MAPK10: variants seen among roughly 807,000 people sequenced by gnomAD.
MAPK10 encodes the protein JNK3 alpha protein kinase.
A neutral mutation model predicts 59.3 loss-of-function variants in MAPK10; 25 were observed. The ratio of observed to expected loss-of-function variants is 0.42; its 90% CI spans 0.31 to 0.59. The LOEUF is 0.59. MAPK10 is among the 20% of genes least tolerant of loss of function. MAPK10 has a pLI of 0.15. For missense variants in MAPK10, 351 were observed against 568.9 expected, an observed-to-expected ratio of 0.62 and a Z score of 3.90; for synonymous variants, 190 against 200.5, an observed-to-expected ratio of 0.95 and a Z score of 0.44.
chr4:86,386,001 A>G (rs1741401880), intron 1 of MAPK10, among the ~76,000 whole-genome samples: 1 of 152,200 alleles, frequency 6.6e-6, no homozygotes, highest in African/African-American at 2.4e-5. Flanking sequence ...AAATTATTTA[A>G]AAGACATGCA....
rs1245375362 is a variant in MAPK10 at position 86,424,825 on chromosome 4, GACAA to G, written c.-122+28201_-122+28204del. Reference sequence around the variant, plus strand: ...AGAATTGTGACTAATTTGATATGAAGACAAACAAGAGAGAAAAGCTAAAGCTGAC... The same window carrying G: ...AGAATTGTGACTAATTTGATATGAAGACAAGAGAGAAAAGCTAAAGCTGAC... On this transcript the variant is annotated intron_variant, in intron 1 of 13. Coordinates refer to the MAPK10 transcript ENST00000361569. 3.9e-5 allele frequency among the ~76,000 whole-genome samples: 6 copies of G among 152,216 alleles called. No homozygotes were observed. The South Asian group carries it at 1.2e-3, about 32-fold the overall frequency.
intron 2 of MAPK10, among the ~76,000 whole-genome samples, chr4:86,296,168 T>C (rs1202452968): frequency 2.9e-5 from 4 of 140,186 alleles, no homozygotes; most frequent in African/African-American, 1.1e-4. Context: ...AGAGTAAGAC[T>C]TGGTCTCAAA....
At position 86,506,772 on chromosome 4, in the gene MAPK10, A is replaced by G. The variant is rs551469301; in HGVS notation, c.-263+87138T>C. Among the ~76,000 whole-genome samples, 18 of 152,212 alleles carry G rather than the reference A, an allele frequency of 1.2e-4. No individual in the cohort carries two copies. In the South Asian group the frequency reaches 3.7e-3, roughly 32 times the overall value. On this transcript the variant is annotated intron_variant, in intron 1 of 4. Coordinates refer to the MAPK10 transcript ENST00000502302. Reference sequence around the variant, plus strand: ...AAGAGGAGCAGAGAATTAAAAACCAACCACAACAATCAAGGTCAGAACTGC... The same window carrying G: ...AAGAGGAGCAGAGAATTAAAAACCAGCCACAACAATCAAGGTCAGAACTGC...
intron 1 of MAPK10, among the ~76,000 whole-genome samples, chr4:86,436,992 C>T (rs945688913): frequency 6.6e-6 from 1 of 152,044 alleles, no homozygotes; most frequent in African/African-American, 2.4e-5. Context: ...GTGGGCAGAT[C>T]ACGAGGTCAG....
chr4:86,112,826 A>G (rs1215147101), intron 4 of MAPK10, among the ~76,000 whole-genome samples: 1 of 152,074 alleles, frequency 6.6e-6, no homozygotes, highest in African/African-American at 2.4e-5. Flanking sequence ...TAAAGTTTCC[A>G]CTATTACTGT....
At chr4:86,451,226 T>A (rs190955490) in intron 1 of MAPK10, among the ~76,000 whole-genome samples, 1 of 152,314 alleles carries the variant, frequency 6.6e-6, no homozygotes, top group Admixed American at 6.5e-5. Flanking sequence ...TACATTTTTA[T>A]CATTCGGTTT....
chr4:86,324,660 T>A (rs1010460773), intron 2 of MAPK10, among the ~76,000 whole-genome samples: 1 of 152,180 alleles, frequency 6.6e-6, no homozygotes, highest in Non-Finnish European at 1.5e-5. Context: ...ATATCTTCTA[T>A]CTCTATAAAC....
intron 2 of MAPK10, among the ~76,000 whole-genome samples, chr4:86,309,180 C>T (rs1477355583): frequency 6.6e-6 from 1 of 152,166 alleles, no homozygotes; most frequent in Non-Finnish European, 1.5e-5. Context: ...TATTTGGTAA[C>T]TTGCCTCCTT....
intron 2 of MAPK10, among the ~76,000 whole-genome samples, chr4:86,244,851 G>C (rs760031753): frequency 6.6e-5 from 10 of 152,050 alleles, no homozygotes; most frequent in Non-Finnish European, 1.2e-4. Flanking sequence ...TGATCTCTTT[G>C]AGTCTGAGAA....
intron 2 of MAPK10, among the ~76,000 whole-genome samples, chr4:86,265,732 G>A (rs2094208046): frequency 6.6e-6 from 1 of 152,120 alleles, no homozygotes; most frequent in Non-Finnish European, 1.5e-5. Context: ...TAACCCCTCA[G>A]GATATTTGAA....
In MAPK10 at chr4:86,461,064, G is replaced by A. The variant is rs72868857; in HGVS notation, c.-262-106420C>T. Among the ~76,000 whole-genome samples, 643 of 152,058 alleles carry A rather than the reference G, an allele frequency of 4.2e-3. 8 individuals carry two copies. The highest frequency in any genetic ancestry group is 0.015 in the African/African-American group (617 of 41,470). On this transcript the variant is annotated intron_variant, in intron 1 of 4. Coordinates refer to the MAPK10 transcript ENST00000502302. ...GCCCATACGTGGGGCTCAAACCCAG[G>A]TCGAAGGGTCATTGGAGTGATGGTT...
intron 2 of MAPK10, among the ~76,000 whole-genome samples, chr4:86,324,604 T>A (rs575365491): frequency 6.6e-6 from 1 of 152,300 alleles, no homozygotes; most frequent in East Asian, 1.9e-4. Context: ...TTATTTTCTG[T>A]CATTTTGCTC....
chr4:86,460,936 C>CT (rs899073651), intron 1 of MAPK10, among the ~76,000 whole-genome samples: 2 of 152,162 alleles, frequency 1.3e-5, no homozygotes, highest in African/African-American at 4.8e-5. Flanking sequence ...TGTGAGACCC[C>CT]TGAATTCCCT....
At chr4:86,070,403 T>A (rs1053178208) in intron 9 of MAPK10, among the ~76,000 whole-genome samples, 5 of 152,160 alleles carry the variant, frequency 3.3e-5, no homozygotes, top group East Asian at 1.9e-4. Context: ...TTCTTTTTTT[T>A]ATTATACTTT....
At chr4:86,266,412 T>A (rs1351686054) in intron 2 of MAPK10, among the ~76,000 whole-genome samples, 1 of 152,162 alleles carries the variant, frequency 6.6e-6, no homozygotes, top group Non-Finnish European at 1.5e-5. Context: ...AGTATTGCTG[T>A]GAGGTTTGAA....
intron 4 of MAPK10, among the ~76,000 whole-genome samples, chr4:86,112,636 A>G (rs1223081489): frequency 3.3e-5 from 5 of 152,258 alleles, no homozygotes; most frequent in Admixed American, 2.6e-4. Flanking sequence ...ACTTGTAATT[A>G]TATTATTAAT....
At chr4:86,309,892 T>TCAAAG (rs1420282464) in intron 2 of MAPK10, among the ~76,000 whole-genome samples, 1 of 152,160 alleles carries the variant, frequency 6.6e-6, no homozygotes, top group Non-Finnish European at 1.5e-5. Context: ...CACTATCCTT[T>TCAAAG]GAACTGTTTG....
intron 11 of MAPK10, among the ~76,000 whole-genome samples, chr4:86,049,270 G>T (rs1435018594): frequency 1.3e-5 from 2 of 151,774 alleles, no homozygotes; most frequent in Non-Finnish European, 2.9e-5. Flanking sequence ...AGGTATGTTG[G>T]GGAACAAAAA....
intron 2 of MAPK10, among the ~76,000 whole-genome samples, chr4:86,270,190 A>T (rs1000272349): frequency 6.6e-6 from 1 of 152,072 alleles, no homozygotes; most frequent in Non-Finnish European, 1.5e-5. Flanking sequence ...TTGTAATTCA[A>T]ACCGGAAATT....
Sources: allele counts gnomAD v4.1 joint callset (sites outside exome capture counted in the v4.1 genomes callset), GRCh38; gene constraint gnomAD v4.1.1; transcripts MANE v1.5; gene names NCBI Gene and HGNC (gene_info 2026-07-23, HGNC 2026-07-21).